The following SCAI variants were observed in gnomAD, a reference collection of about 807,000 sequenced individuals.
The protein encoded by SCAI is protein SCAI.
A neutral mutation model predicts 92.2 loss-of-function variants in SCAI; 24 were observed. The ratio of observed to expected loss-of-function variants is 0.26; its 90% confidence interval spans 0.19 to 0.37. The LOEUF is 0.37. Among genes scored for constraint, SCAI ranks in the 10% least tolerant of loss-of-function variants. The probability of loss-of-function intolerance (pLI) is 1.00; values close to 1 mark genes in which losing one functional copy is unlikely to be tolerated. For synonymous variants in SCAI, 261 were observed against 258.6 expected (o/e 1.01, Z -0.09); for missense variants, 450 against 736.2 (o/e 0.61, Z 4.50).
At chr9:125,017,526 A>G (rs1461162196) in intron 9 of SCAI, among the ~76,000 whole-genome samples, 6 of 152,220 alleles carry the variant, frequency 3.9e-5, no homozygotes, top group Non-Finnish European at 5.9e-5. Context: ...AAATTTAACA[A>G]TAACAAAAGT....
At chr9:125,005,895 A>C (rs748817441) in intron 9 of SCAI, among the ~76,000 whole-genome samples, 21 of 152,212 alleles carry the variant, frequency 1.4e-4, no homozygotes, top group Non-Finnish European at 1.5e-5. Context: ...TTCTGAGAAG[A>C]GATCAAGAAA....
intron 14 of SCAI, among the ~76,000 whole-genome samples, chr9:124,992,945 T>C (rs1832165372): frequency 6.6e-6 from 1 of 152,310 alleles, no homozygotes; most frequent in East Asian, 1.9e-4. Flanking sequence ...CCTCTGGAAA[T>C]AGCAGGCACA....
At chr9:125,139,029 G>T (rs1261506882) in intron 2 of SCAI, among the ~76,000 whole-genome samples, 1 of 152,138 alleles carries the variant, frequency 6.6e-6, no homozygotes, top group African/African-American at 2.4e-5. Context: ...GAGGGTGGGG[G>T]GAAGCCCTCA....
At chr9:125,097,363 G>T (rs1407264961) in intron 2 of SCAI, among the ~76,000 whole-genome samples, 1 of 151,988 alleles carries the variant, frequency 6.6e-6, no homozygotes, top group East Asian at 1.9e-4. Context: ...AACTCGGGAG[G>T]TAGAGATTGC....
At chr9:124,999,278 G>A (rs771160083) in intron 13 of SCAI, among the ~76,000 whole-genome samples, 5 of 151,606 alleles carry the variant, frequency 3.3e-5, no homozygotes, top group East Asian at 2.0e-4. Flanking sequence ...TCCCAGCTAC[G>A]CAGGAGGCTG....
intron 14 of SCAI, among the ~76,000 whole-genome samples, chr9:124,986,912 G>A (rs977767053): frequency 6.6e-6 from 1 of 152,168 alleles, no homozygotes; most frequent in Non-Finnish European, 1.5e-5. Flanking sequence ...CTCCTGTTTT[G>A]ACAAATCTGT....
intron 3 of SCAI, among the ~76,000 whole-genome samples, chr9:125,037,141 C>T (rs1317913555): frequency 2.6e-5 from 4 of 151,914 alleles, no homozygotes; most frequent in African/African-American, 7.3e-5. Flanking sequence ...TGGTGGCAGG[C>T]GCCCATAATC....
At chr9:125,136,235 C>T (rs1007978410) in intron 2 of SCAI, among the ~76,000 whole-genome samples, 1 of 149,882 alleles carries the variant, frequency 6.7e-6, no homozygotes, top group Admixed American at 6.7e-5. Context: ...CTCAGCCTCC[C>T]AACTAGCTGG....
chr9:125,032,616 C>CT (rs35384919), intron 3 of SCAI, among the ~76,000 whole-genome samples: 58,429 of 130,878 alleles, frequency 0.45, 13,277 homozygotes, highest in Non-Finnish European at 0.47. Flanking sequence ...TAATATTATG[C>CT]TTTTTTTTTT....
chr9:125,004,101 A>C (rs1002360527), intron 9 of SCAI, among the ~76,000 whole-genome samples: 2 of 152,058 alleles, frequency 1.3e-5, no homozygotes, highest in African/African-American at 4.8e-5. Context: ...GCTTGAACCC[A>C]GGAGGCGGAG....
chr9:125,057,209 G>A lies in SCAI; in HGVS notation c.99-1202C>T, dbSNP rs2131138788. 1.3e-5 allele frequency among the ~76,000 whole-genome samples: 2 copies of A among 152,264 alleles called. 1 individual carries two copies. The highest frequency in any genetic ancestry group is 4.1e-4 in the South Asian group (2 of 4,826). On this transcript the variant is annotated intron_variant, in intron 2 of 17. Transcript: ENST00000336505. ...ATTTTAATAGATGGACTGAAGAACA[G>A]AAAGGATACAGTTGAACAAATAAAT... is the stretch of plus-strand genomic sequence containing the variant.
chr9:125,060,401 G>C (rs1409121885), intron 2 of SCAI, among the ~76,000 whole-genome samples: 1 of 152,126 alleles, frequency 6.6e-6, no homozygotes, highest in Non-Finnish European at 1.5e-5. Context: ...CTTCAGAGTG[G>C]CATATTTCTT....
intron 3 of SCAI, among the ~76,000 whole-genome samples, chr9:125,054,619 C>T (rs1031030387): frequency 1.3e-5 from 2 of 151,606 alleles, no homozygotes; most frequent in Non-Finnish European, 2.9e-5. Context: ...ATTTAAACCC[C>T]AGGCATACCA....
At chr9:125,002,488 G>GTTTATTTTTTTTGT (rs1554779240) in intron 11 of SCAI, among the ~76,000 whole-genome samples, 3 of 125,106 alleles carry the variant, frequency 2.4e-5, no homozygotes, top group African/African-American at 9.5e-5. Context: ...TTTTTAGTCT[G>GTTTATTTTTTTTGT]TTTTTTTTTT....
At chr9:125,117,780 A>G (rs917512540) in intron 2 of SCAI, among the ~76,000 whole-genome samples, 14 of 151,940 alleles carry the variant, frequency 9.2e-5, no homozygotes, top group African/African-American at 3.4e-4. Flanking sequence ...AAACCCTCAC[A>G]GGAAATTATC....
rs201231496 is a variant in SCAI, at chr9:124,952,765, T to G, written c.*42A>C. 1.3e-6 allele frequency: 2 copies of G among 1,562,428 alleles called. No individual in the cohort carries two copies. The highest frequency in any genetic ancestry group is 1.4e-5 in the African/African-American group (1 of 73,314). ...GTTAGAAAACTGCACCATTTAAAAT[T>G]TGTGGAAAATGAAAACTTGTTTCGA... On this transcript the variant is annotated 3_prime_UTR_variant, in exon 18 of 18. Coordinates refer to ENST00000336505, the MANE Select transcript of SCAI (RefSeq NM_001144877.3).
intron 2 of SCAI, among the ~76,000 whole-genome samples, chr9:125,077,559 T>C (rs1431588799): frequency 6.6e-6 from 1 of 152,220 alleles, no homozygotes; most frequent in Non-Finnish European, 1.5e-5. Flanking sequence ...ATTTCACACA[T>C]GCAGCAATGT....
chr9:125,008,140 C>T (rs896240325), intron 9 of SCAI, among the ~76,000 whole-genome samples: 1 of 149,800 alleles, frequency 6.7e-6, no homozygotes, highest in Non-Finnish European at 1.5e-5. Context: ...CCACCGTGCC[C>T]GGCCCTTTAT....
At chr9:124,990,802 C>T (rs570232291) in intron 14 of SCAI, among the ~76,000 whole-genome samples, 1 of 152,166 alleles carries the variant, frequency 6.6e-6, no homozygotes, top group East Asian at 1.9e-4. Flanking sequence ...GGGGTTGCAA[C>T]AAAAAGTGGG....
Sources: allele counts gnomAD v4.1 joint callset (sites outside exome capture counted in the v4.1 genomes callset), GRCh38; gene constraint gnomAD v4.1.1; transcripts MANE v1.5; gene names NCBI Gene and HGNC (gene_info 2026-07-23, HGNC 2026-07-21).